The following DRC8 variants were observed in gnomAD, a reference collection of about 807,000 sequenced individuals.
DRC8 encodes the protein dynein regulatory complex subunit 8, also known as dynein regulatory complex protein 8.
At chr1:245,008,670 C>CTTTTT in the DRC8 span, among the ~76,000 whole-genome samples, 1 of 139,346 alleles carries the variant, frequency 7.2e-6, no homozygotes, top group African/African-American at 2.7e-5. Context: ...TGTTCTCACA[C>CTTTTT]TTTTTTTTTT....
At chr1:245,021,715 C>T in the DRC8 span, among the ~76,000 whole-genome samples, 851 of 152,190 alleles carry the variant, frequency 5.6e-3, 11 homozygotes, top group African/African-American at 0.019. Context: ...GGATTACAGA[C>T]GTGAGCCACT....
At chr1:245,074,569 G>A in the DRC8 span, among the ~76,000 whole-genome samples, 1 of 152,194 alleles carries the variant, frequency 6.6e-6, no homozygotes, top group African/African-American at 2.4e-5. Context: ...ATCTTACTAA[G>A]TACCGGATTT....
the DRC8 span, among the ~76,000 whole-genome samples, chr1:244,977,146 G>T: frequency 2.6e-5 from 4 of 152,156 alleles, no homozygotes; most frequent in Admixed American, 2.0e-4. Context: ...AGAGGAGAAT[G>T]GGAAGTTGTT....
chr1:245,040,579 T>C, the DRC8 span, among the ~76,000 whole-genome samples: 2 of 152,278 alleles, frequency 1.3e-5, no homozygotes, highest in East Asian at 3.9e-4. Context: ...ACATTAGAAT[T>C]AAATGAGTGG....
chr1:245,104,414 G>A, the DRC8 span, among the ~76,000 whole-genome samples: 2 of 151,708 alleles, frequency 1.3e-5, no homozygotes, highest in African/African-American at 4.9e-5. Flanking sequence ...TGAGGCAGGA[G>A]AATCACTTGA....
At chr1:244,980,228 A>C in the DRC8 span, among the ~76,000 whole-genome samples, 14 of 151,104 alleles carry the variant, frequency 9.3e-5, no homozygotes, top group Non-Finnish European at 1.8e-4. Context: ...CAAAAAAAAA[A>C]AAAAAAAAGT....
At chr1:244,993,851 G>C in the DRC8 span, among the ~76,000 whole-genome samples, 5 of 152,202 alleles carry the variant, frequency 3.3e-5, no homozygotes, top group Non-Finnish European at 7.3e-5. Context: ...ATTCATGAGG[G>C]CAGAGCCCTC....
At chr1:245,034,438 T>C in the DRC8 span, among the ~76,000 whole-genome samples, 1 of 151,238 alleles carries the variant, frequency 6.6e-6, no homozygotes, top group Non-Finnish European at 1.5e-5. Context: ...CTGTCTCTAA[T>C]AAAAATACCA....
the DRC8 span, among the ~76,000 whole-genome samples, chr1:245,063,672 A>G: frequency 1.3e-5 from 2 of 152,178 alleles, no homozygotes; most frequent in African/African-American, 4.8e-5. Context: ...GAGCTCAGGA[A>G]TGAGGCACAA....
chr1:245,118,810 G>GAAAAGAAAAGAAAAT, the DRC8 span, among the ~76,000 whole-genome samples: 2 of 83,108 alleles, frequency 2.4e-5, no homozygotes, highest in African/African-American at 1.1e-4. Context: ...GAAAAGAAAA[G>GAAAAGAAAAGAAAAT]AAAAGAAAAG....
chr1:245,061,283 A>G, the DRC8 span, among the ~76,000 whole-genome samples: 2 of 152,252 alleles, frequency 1.3e-5, no homozygotes, highest in Non-Finnish European at 2.9e-5. Context: ...CATGCAGTAC[A>G]TACTTGAGTT....
the DRC8 span, among the ~76,000 whole-genome samples, chr1:245,047,394 G>T: frequency 6.6e-6 from 1 of 152,106 alleles, no homozygotes; most frequent in African/African-American, 2.4e-5. Context: ...TAGCACTTTG[G>T]GAGGCTAAGG....
chr1:245,010,921 T>G, the DRC8 span, among the ~76,000 whole-genome samples: 1 of 152,122 alleles, frequency 6.6e-6, no homozygotes, highest in African/African-American at 2.4e-5. Context: ...AACCTCTTGA[T>G]CTGCCTGCCT....
chr1:244,980,728 T>TCA, the DRC8 span, among the ~76,000 whole-genome samples: 1 of 152,190 alleles, frequency 6.6e-6, no homozygotes, highest in Non-Finnish European at 1.5e-5. Flanking sequence ...TGTGAGGCAT[T>TCA]CAGGTTGAGA....
the DRC8 span, among the ~76,000 whole-genome samples, chr1:245,070,721 C>T: frequency 2.5e-4 from 38 of 152,274 alleles, no homozygotes; most frequent in African/African-American, 8.9e-4. Flanking sequence ...TTCAGTAAAA[C>T]TTAATTGCCA....
At chr1:245,054,838 CT>C in the DRC8 span, among the ~76,000 whole-genome samples, 1 of 152,210 alleles carries the variant, frequency 6.6e-6, no homozygotes, top group East Asian at 1.9e-4. Flanking sequence ...AGCAAGTTAG[CT>C]TGTTACTGTC....
At chr1:245,067,645 G>A in the DRC8 span, among the ~76,000 whole-genome samples, 9 of 151,958 alleles carry the variant, frequency 5.9e-5, no homozygotes, top group East Asian at 3.9e-4. Context: ...TTGAAACTTC[G>A]GAATTGGCTT....
the DRC8 span, among the ~76,000 whole-genome samples, chr1:245,042,650 C>T: frequency 6.6e-6 from 1 of 152,220 alleles, no homozygotes; most frequent in African/African-American, 2.4e-5. Context: ...TGTCCTTAGA[C>T]ATTTTTGGAT....
the DRC8 span, among the ~76,000 whole-genome samples, chr1:245,111,320 C>A: frequency 1.3e-5 from 2 of 152,168 alleles, no homozygotes; most frequent in Non-Finnish European, 2.9e-5. Flanking sequence ...AGCAGCACTC[C>A]CAGCCTCTGC....
Sources: allele counts gnomAD v4.1 joint callset (sites outside exome capture counted in the v4.1 genomes callset), GRCh38; gene constraint gnomAD v4.1.1; transcripts MANE v1.5; gene names NCBI Gene and HGNC (gene_info 2026-07-23, HGNC 2026-07-21).